Variants in JARID2 observed in about 807,000 individuals in gnomAD.
JARID2 encodes the protein protein Jumonji.
A neutral mutation model predicts 125.6 loss-of-function variants in JARID2; 21 were observed. The ratio of observed to expected loss-of-function variants is 0.17; its 90% CI spans 0.12 to 0.24. The LOEUF (loss-of-function observed/expected upper bound fraction) is 0.24. Ranked by LOEUF, JARID2 falls within the 10% of genes least tolerant of loss-of-function variation. The pLI is 1.00. For missense variants in JARID2, 1,303 were observed against 1,639.6 expected (o/e 0.79, Z 3.55); for synonymous variants, 736 against 661.6 (o/e 1.11, Z -1.73).
chr6:15,264,942 T>C (rs1431863368), intron 1 of JARID2, among the ~76,000 whole-genome samples: 2 of 152,186 alleles, frequency 1.3e-5, no homozygotes, highest in African/African-American at 4.8e-5. Context: ...AGGCTTCTGT[T>C]CAGACCCAGC....
At chr6:15,452,304 A>C in intron 4 of JARID2, 129 bp downstream of exon 4, 10 of 1,336,568 alleles carry the variant, frequency 7.5e-6, no homozygotes, top group Non-Finnish European at 9.8e-6. Context: ...GTTGAGGGGG[A>C]ATTGAAAGTG....
intron 1 of JARID2, among the ~76,000 whole-genome samples, chr6:15,320,278 G>A (rs940721034): frequency 6.6e-6 from 1 of 152,222 alleles, no homozygotes; most frequent in Non-Finnish European, 1.5e-5. Flanking sequence ...CACAGGTAAG[G>A]TGTTGGTTAT....
At chr6:15,328,097 C>T (rs1012728193) in intron 1 of JARID2, among the ~76,000 whole-genome samples, 2 of 152,080 alleles carry the variant, frequency 1.3e-5, no homozygotes, top group South Asian at 2.1e-4. Flanking sequence ...GGAAGACTCT[C>T]CTCTGTGTGA....
rs1314802575 is a variant in JARID2 at position 15,410,459 on chromosome 6, C to T, written c.323+94C>T. On this transcript the variant is annotated intron_variant, in intron 3 of 17. Coordinates refer to ENST00000341776, the MANE Select transcript of JARID2 (RefSeq NM_004973.4). Reference sequence around the variant, plus strand: ...CCACATGATAACGTGAGCCCATTCACCCAATCTCTTGATTTTCATAGAGGA... The same window carrying T: ...CCACATGATAACGTGAGCCCATTCATCCAATCTCTTGATTTTCATAGAGGA... 3 of 1,251,274 alleles carry T rather than the reference C, an allele frequency of 2.4e-6. No homozygotes were observed. In the African/African-American group the frequency reaches 4.5e-5, roughly 19 times the overall value. The allele number at this position is 1,251,274 out of a possible 1,614,324, so 77.5% of individuals were successfully genotyped here. A position where few individuals can be genotyped will look rare whatever the true frequency, so the allele number is the denominator to read the frequency against.
intron 1 of JARID2, among the ~76,000 whole-genome samples, chr6:15,337,481 G>A (rs931950260): frequency 2.6e-5 from 4 of 152,188 alleles, no homozygotes; most frequent in African/African-American, 9.7e-5. Context: ...CAACAGCCAC[G>A]ATGGGGGAGG....
chr6:15,359,752 G>A (rs1581453597), intron 1 of JARID2, among the ~76,000 whole-genome samples: 1 of 151,498 alleles, frequency 6.6e-6, no homozygotes, highest in African/African-American at 2.4e-5. Context: ...TCCCAGGCTG[G>A]ATTGCAGTGG....
chr6:15,493,113 G>A (rs1463891384), intron 6 of JARID2, among the ~76,000 whole-genome samples: 2 of 151,924 alleles, frequency 1.3e-5, no homozygotes, highest in Non-Finnish European at 2.9e-5. Context: ...AGGTGCCCCC[G>A]AGAAGCCAGA....
intron 14 of JARID2, 97 bp downstream of exon 14, chr6:15,512,487 T>C: frequency 9.0e-7 from 1 of 1,115,864 alleles, no homozygotes; most frequent in Non-Finnish European, 1.3e-6. Context: ...TGCGTGTCTA[T>C]TTGTCAATAG....
At chr6:15,269,771 G>A (rs1177661666) in intron 1 of JARID2, among the ~76,000 whole-genome samples, 1 of 152,044 alleles carries the variant, frequency 6.6e-6, no homozygotes, top group African/African-American at 2.4e-5. Flanking sequence ...GTTTATGTAT[G>A]TCTGCAGTGT....
In JARID2 at chr6:15,520,239, G is replaced by A. The variant is rs756556895; in HGVS notation, c.3729G>A (p.Ser1243=). 6.2e-6 allele frequency: 10 copies of A among 1,604,482 alleles called. No individual in the cohort carries two copies. The highest frequency in any genetic ancestry group is 3.4e-5 in the South Asian group (3 of 89,286). The part of the protein sequence containing the change: ...LSASSSSKSA[S]SSS ...CCTCCAGTTCATCCAAAAGTGCTTC[G>A]AGCTCATCATGAAGATGCCAACGCC... The change falls in exon 18 of 18, where the codon TCG becomes TCA. Residue 1243 remains serine, a synonymous_variant. Coordinates refer to ENST00000341776, the MANE Select transcript of JARID2 (RefSeq NM_004973.4).
At position 15,410,354 on chromosome 6, in the gene JARID2, G is replaced by A. The variant is rs1378551269; in HGVS notation, c.312G>A (p.Pro104=). 2.5e-6 allele frequency: 4 copies of A among 1,613,974 alleles called. No homozygotes were observed. Among genetic ancestry groups the A allele is most frequent in the Non-Finnish European group, 2.5e-6 (3 of 1,179,896 alleles). The change falls in exon 3 of 18, where the codon CCG becomes CCA. Residue 104 remains proline (P), a synonymous_variant. Transcript: ENST00000341776. ...GTTCTTCAGATTTTGAAGAAGGGCC[G>A]TCGAGGAAAAGGTTAGTACCCAAGG... ...DVSSSDFEEG[P]SRKRPRLQAQ...
At chr6:15,382,861 C>G (rs951232479) in intron 2 of JARID2, among the ~76,000 whole-genome samples, 1 of 152,184 alleles carries the variant, frequency 6.6e-6, no homozygotes, top group Non-Finnish European at 1.5e-5. Context: ...TTCTCTCTGC[C>G]CGCCTCCTTT....
At chr6:15,482,033 C>T (rs546742814) in intron 5 of JARID2, among the ~76,000 whole-genome samples, 2 of 152,308 alleles carry the variant, frequency 1.3e-5, no homozygotes, top group South Asian at 4.1e-4. Flanking sequence ...AAGAGTTGTG[C>T]ATCTGGTTTC....
At chr6:15,253,757 G>A (rs1215834966) in intron 1 of JARID2, among the ~76,000 whole-genome samples, 3 of 152,284 alleles carry the variant, frequency 2.0e-5, no homozygotes, top group East Asian at 3.9e-4. Flanking sequence ...AACACCTCCA[G>A]ATGACGACAC....
chr6:15,401,154 C>CTA (rs140011539), intron 2 of JARID2: 41,773 of 783,236 alleles, frequency 0.053, 250 homozygotes, highest in African/African-American at 0.091. Context: ...TGGCAAGGTG[C>CTA]TATATATATA....
chr6:15,412,204 G>C (rs1178021784), intron 3 of JARID2, among the ~76,000 whole-genome samples: 1 of 152,188 alleles, frequency 6.6e-6, no homozygotes, highest in East Asian at 1.9e-4. Context: ...ATTAAGGTTT[G>C]ATAGGCTTGG....
intron 4 of JARID2, among the ~76,000 whole-genome samples, chr6:15,456,342 A>G (rs1171429130): frequency 1.3e-5 from 2 of 152,168 alleles, no homozygotes; most frequent in Non-Finnish European, 2.9e-5. Context: ...TCATAGATAA[A>G]ATTTACTTCT....
In JARID2 at chr6:15,520,414, C is replaced by CT. The variant is rs1283677374; in HGVS notation, c.*171dup. 46 of 562,396 alleles carry CT rather than the reference C, an allele frequency of 8.2e-5. No individual in the cohort carries two copies. Among genetic ancestry groups the CT allele is most frequent in the Non-Finnish European group, 9.6e-5 (33 of 342,010 alleles). The allele number at this position is 562,396 out of a possible 1,614,324, so 34.8% of individuals were successfully genotyped here. On this transcript the variant is annotated 3_prime_UTR_variant, in exon 18 of 18. Transcript: ENST00000341776. ...TTTGTTTTAGCATTAAACTGTTGAA[C>CT]TTTTTTTTGTACTTAGAAAACCTAG... is the stretch of plus-strand genomic sequence containing the variant.
chr6:15,517,826 C>G (rs1771638276), intron 17 of JARID2, among the ~76,000 whole-genome samples: 1 of 152,228 alleles, frequency 6.6e-6, no homozygotes, highest in Non-Finnish European at 1.5e-5. Context: ...GGCAGCAGTG[C>G]CTCTCCCCTG....
Sources: gnomAD v4.1 joint callset for allele counts (sites outside exome capture counted in the v4.1 genomes callset) on GRCh38, gnomAD v4.1.1 for gene constraint, MANE v1.5 for transcripts, NCBI Gene and HGNC (gene_info 2026-07-23, HGNC 2026-07-21) for gene names.